Variants in HERC3 observed in about 807,000 individuals in gnomAD.
HERC3 encodes the protein probable E3 ubiquitin-protein ligase HERC3.
In HERC3, 58 loss-of-function variants were observed where a neutral mutation model predicts 129.9. The ratio of observed to expected loss-of-function variants is 0.45; its 90% CI spans 0.36 to 0.56. HERC3 has a LOEUF of 0.56. HERC3 is among the 20% of genes least tolerant of loss of function. The pLI is 0.00. For synonymous variants in HERC3, 430 were observed against 451.0 expected (o/e 0.95, Z 0.59); for missense variants, 835 against 1,244.2 (o/e 0.67, Z 4.95).
chr4:88,539,598 A>G, the HERC3 span, among the ~76,000 whole-genome samples: 1 of 152,230 alleles, frequency 6.6e-6, no homozygotes. Context: ...GAGAATGGAC[A>G]GACTGCCTCC....
chr4:88,679,536 T>C (rs953360862), intron 19 of HERC3, among the ~76,000 whole-genome samples: 2 of 151,956 alleles, frequency 1.3e-5, no homozygotes, highest in African/African-American at 2.4e-5. Flanking sequence ...TTTTTTTTTT[T>C]TGTCGGAGTT....
At chr4:88,694,744 G>C (rs1734422129) in intron 23 of HERC3, among the ~76,000 whole-genome samples, 1 of 152,102 alleles carries the variant, frequency 6.6e-6, no homozygotes, top group Admixed American at 6.5e-5. Flanking sequence ...CTATCCAAAG[G>C]CTTATGTTAT....
At chr4:88,681,016 T>C in intron 20 of HERC3, 143 bp from the exon 21 acceptor site, 4 of 1,428,200 alleles carry the variant, frequency 2.8e-6, no homozygotes, top group Non-Finnish European at 3.7e-6. Context: ...TTTGTCAGGG[T>C]GTTTCTTTGC....
At chr4:88,669,724 T>G (rs1052007337) in intron 14 of HERC3, 136 bp from the exon 15 acceptor site, 20 of 683,994 alleles carry the variant, frequency 2.9e-5, no homozygotes, top group Non-Finnish European at 4.0e-5. Flanking sequence ...GGATTCTTTT[T>G]AAAGTCAGTT....
At chr4:88,697,147 G>C (rs1578340697) in intron 23 of HERC3, 1 of 1,446,396 alleles carries the variant, frequency 6.9e-7, no homozygotes, top group East Asian at 2.5e-5. Flanking sequence ...GATATTCTGG[G>C]AAAAACAAAA....
the HERC3 span, among the ~76,000 whole-genome samples, chr4:88,556,022 G>C: frequency 0.076 from 11,499 of 152,158 alleles, 614 homozygotes; most frequent in East Asian, 0.27. Context: ...GTTAAAGGAG[G>C]TTTGAAATTG....
chr4:88,640,977 G>A (rs961277347), intron 3 of HERC3, among the ~76,000 whole-genome samples: 5 of 151,952 alleles, frequency 3.3e-5, no homozygotes, highest in Non-Finnish European at 5.9e-5. Context: ...GATATTTATC[G>A]AACATTCTAT....
chr4:88,600,939 G>A (rs1722900113), intron 2 of HERC3, among the ~76,000 whole-genome samples: 1 of 152,150 alleles, frequency 6.6e-6, no homozygotes, highest in South Asian at 2.1e-4. Flanking sequence ...GTGGATAATA[G>A]CAATTGAGCA....
At chr4:88,684,969 A>T (rs990742568) in intron 21 of HERC3, 17 of 152,364 alleles carry the variant, frequency 1.1e-4, no homozygotes, top group African/African-American at 4.1e-4. Context: ...GAAGACATTT[A>T]TGTGGCCAAC....
intron 1 of HERC3, among the ~76,000 whole-genome samples, chr4:88,595,100 C>CAAA (rs758727600): frequency 0.039 from 2,334 of 59,866 alleles, 136 homozygotes; most frequent in Middle Eastern, 0.076. Context: ...GACTCTGTCT[C>CAAA]AAAAAAAAAA....
chr4:88,568,430 G>C, the HERC3 span, among the ~76,000 whole-genome samples: 17 of 152,314 alleles, frequency 1.1e-4, no homozygotes, highest in African/African-American at 4.1e-4. Context: ...GCCTGGAGTT[G>C]GGAACTTTAG....
At chr4:88,702,002 C>A (rs753762529) in intron 23 of HERC3, among the ~76,000 whole-genome samples, 2 of 151,976 alleles carry the variant, frequency 1.3e-5, no homozygotes, top group Non-Finnish European at 2.9e-5. Context: ...GCCATGTTGC[C>A]CAGGCTGGTT....
chr4:88,626,013 A>G (rs1578193262), intron 3 of HERC3, among the ~76,000 whole-genome samples: 2 of 152,030 alleles, frequency 1.3e-5, no homozygotes, highest in African/African-American at 4.8e-5. Flanking sequence ...TAATTTTTAT[A>G]TATTACTGTT....
In HERC3 at chr4:88,690,306, A is replaced by G. The variant is rs1733943386; in HGVS notation, c.2657+3007A>G. 4 of 984,352 alleles carry G rather than the reference A, an allele frequency of 4.1e-6. No homozygotes were observed. In the South Asian group the frequency reaches 1.4e-4, roughly 35 times the overall value. 61.0% of individuals were successfully genotyped at this position (984,352 alleles called of 1,614,324 possible). On this transcript the variant is annotated intron_variant, in intron 23 of 25. Transcript: ENST00000402738. Reference sequence around the variant, plus strand: ...TAATGTTTTTAGAATTGGGAAATTTATGGCAGATCATAAAGCAGATTTGTT... The same window carrying G: ...TAATGTTTTTAGAATTGGGAAATTTGTGGCAGATCATAAAGCAGATTTGTT...
chr4:88,654,012 A>G, intron 6 of HERC3, 30 bp from the exon 7 acceptor site: 2 of 1,472,120 alleles, frequency 1.4e-6, no homozygotes, highest in Non-Finnish European at 1.9e-6. Flanking sequence ...GGCAAATGGT[A>G]GTGATATTCT....
At chr4:88,706,399 A>C (rs567315902) in intron 25 of HERC3, among the ~76,000 whole-genome samples, 7 of 152,306 alleles carry the variant, frequency 4.6e-5, no homozygotes, top group African/African-American at 1.7e-4. Context: ...TTCCGTAGAC[A>C]AGGTGGTACA....
the HERC3 span, among the ~76,000 whole-genome samples, chr4:88,565,131 T>C: frequency 6.6e-6 from 1 of 152,030 alleles, no homozygotes; most frequent in South Asian, 2.1e-4. Context: ...TTTTAGGAGT[T>C]GTTTTGTGGC....
chr4:88,575,784 T>C, the HERC3 span, among the ~76,000 whole-genome samples: 1 of 152,250 alleles, frequency 6.6e-6, no homozygotes, highest in Non-Finnish European at 1.5e-5. Flanking sequence ...AAATCCTCTA[T>C]TGTTGTAAGA....
chr4:88,613,572 C>T (rs563658951), intron 3 of HERC3, among the ~76,000 whole-genome samples: 28 of 152,270 alleles, frequency 1.8e-4, no homozygotes, highest in African/African-American at 5.5e-4. Context: ...ATCTGAAGGG[C>T]GCAATAACTC....
Sources: allele counts gnomAD v4.1 joint callset (sites outside exome capture counted in the v4.1 genomes callset), GRCh38; gene constraint gnomAD v4.1.1; transcripts MANE v1.5; gene names NCBI Gene and HGNC (gene_info 2026-07-23, HGNC 2026-07-21).